SNX1: variants seen among roughly 807,000 people sequenced by gnomAD.
SNX1 encodes sorting nexin 1.
In SNX1, 36 loss-of-function variants were observed where a neutral mutation model predicts 71.8. The ratio of observed to expected loss-of-function variants is 0.50; its 90% confidence interval spans 0.38 to 0.66. The LOEUF is 0.66. Ranked by LOEUF, SNX1 falls within the 30% of genes least tolerant of loss-of-function variation. The pLI, the probability that SNX1 is intolerant of heterozygous loss-of-function variation, is 0.00. For missense variants in SNX1, 612 were observed against 646.7 expected (o/e 0.95, Z 0.58); for synonymous variants, 254 against 240.7 (o/e 1.06, Z -0.51).
chr15:64,140,236 A>G lies in SNX1; in HGVS notation c.*2618A>G, dbSNP rs1368890797. On this transcript the variant is annotated 3_prime_UTR_variant, in exon 15 of 15. Coordinates refer to ENST00000559844, the MANE Select transcript of SNX1 (RefSeq NM_003099.5). ...ATTTCCTAACTCCATAATGCCTTCTACATTTATTGGTTGACATTCTACATA... is the reference window on the plus strand; with the variant it reads ...ATTTCCTAACTCCATAATGCCTTCTGCATTTATTGGTTGACATTCTACATA... 5.3e-5 allele frequency: 8 copies of G among 152,254 alleles called. No homozygotes were observed. The highest frequency in any genetic ancestry group is 3.9e-4 in the East Asian group (2 of 5,182). The allele number at this position is 152,254 out of a possible 1,614,324, so 9.4% of individuals were successfully genotyped here.
intron 14 of SNX1, 152 bp from the exon 15 acceptor site, chr15:64,137,416 G>T: frequency 1.4e-6 from 1 of 710,822 alleles, no homozygotes. Flanking sequence ...AGGGAGGTGT[G>T]AAGGTCATGT....
At position 64,131,869 on chromosome 15, in the gene SNX1, A is replaced by G. The variant is rs1404648659; in HGVS notation, c.1198A>G (p.Ile400Val). Residue 400 changes from isoleucine to valine, a missense_variant, in exon 11 of 15, where the codon ATT becomes GTT. By Grantham distance (29) the Ile-to-Val change is conservative. Around this residue, in one of 2 missense-constraint regions of SNX1, gnomAD observed 296 missense variants for 361.9 expected, o/e 0.82. Coordinates refer to ENST00000559844, the MANE Select transcript of SNX1 (RefSeq NM_003099.5). ...FLLAELLSDY[I>V]RLLAIVRAAF... ...CCTTGCTGAGCTCCTGAGTGACTAC[A>G]TTCGCCTCCTGGCCATAGTCCGCGT... 3.1e-6 allele frequency: 5 copies of G among 1,614,014 alleles called. No individual in the cohort carries two copies. In the South Asian group the frequency reaches 3.3e-5, roughly 11 times the overall value.
In SNX1 at chr15:64,130,268, A is replaced by T; in HGVS notation, c.962A>T (p.Gln321Leu). 1 of 1,614,204 alleles carries T rather than the reference A, an allele frequency of 6.2e-7. No individual in the cohort carries two copies. The highest frequency in any genetic ancestry group is 8.5e-7 in the Non-Finnish European group (1 of 1,180,044). ...CTCCAGGAGGTAGAGTGTGAGGAGCAGCGCTTACGGAAACTGCATGCTGTT... is the reference window on the plus strand; with the variant it reads ...CTCCAGGAGGTAGAGTGTGAGGAGCTGCGCTTACGGAAACTGCATGCTGTT... ...EKLQEVECEE[Q>L]RLRKLHAVVE... is the part of the protein sequence containing the mutation. The change falls in exon 10 of 15, where the codon CAG (glutamine) becomes CTG (leucine). Residue 321 changes from glutamine to leucine, a missense_variant. This residue lies in a region of SNX1 where 296 missense variants were observed against 361.9 expected (regional missense o/e 0.82). Transcript: ENST00000559844.
chr15:64,111,027 C>T (rs1371566521), intron 1 of SNX1, among the ~76,000 whole-genome samples: 3 of 152,126 alleles, frequency 2.0e-5, no homozygotes, highest in African/African-American at 7.2e-5. Flanking sequence ...TACATGTATC[C>T]TTAATGTATA....
In SNX1 at chr15:64,137,747, G is replaced by A. The variant is rs145211367; in HGVS notation, c.*129G>A. ...TTAACCCCTTCCTCCCTGTCCCCACGACCAACTGTCCCCAGTTACTCTAAC... is the reference window on the plus strand; with the variant it reads ...TTAACCCCTTCCTCCCTGTCCCCACAACCAACTGTCCCCAGTTACTCTAAC... On this transcript the variant is annotated 3_prime_UTR_variant, in exon 15 of 15. Coordinates refer to ENST00000559844, the MANE Select transcript of SNX1 (RefSeq NM_003099.5). 7.8e-4 allele frequency: 1,177 copies of A among 1,509,258 alleles called. 7 individuals are homozygous for A. In the African/African-American group the frequency reaches 0.014, roughly 18 times the overall value. The allele number at this position is 1,509,258 out of a possible 1,614,324, so 93.5% of individuals were successfully genotyped here.
chr15:64,142,775 T>G lies in SNX1; in HGVS notation c.*5157T>G, dbSNP rs1351517358. On this transcript the variant is annotated 3_prime_UTR_variant, in exon 15 of 15. Transcript: ENST00000559844. ...GCTGGTGTGATCCCAGTATTCAGTG[T>G]CAGTACTCAGTGACAAAATAAATGA... 2.4e-6 allele frequency: 1 copy of G among 416,350 alleles called. No homozygotes were observed. The highest frequency in any genetic ancestry group is 2.1e-5 in the African/African-American group (1 of 48,248). 25.8% of individuals were successfully genotyped at this position (416,350 alleles called of 1,614,324 possible). A position where few individuals can be genotyped will look rare whatever the true frequency, so the allele number is the denominator to read the frequency against.
At chr15:64,108,107 G>A (rs956498737) in intron 1 of SNX1, among the ~76,000 whole-genome samples, 10 of 151,852 alleles carry the variant, frequency 6.6e-5, no homozygotes, top group Middle Eastern at 3.4e-3. Flanking sequence ...GCAGGAGAAC[G>A]GCATGAACCT....
chr15:64,135,049 C>G (rs1331886310), intron 12 of SNX1: 1 of 501,288 alleles, frequency 2.0e-6, no homozygotes. Flanking sequence ...CATGGTGGCT[C>G]GCGCCTGTAA....
At position 64,139,644 on chromosome 15, in the gene SNX1, GTAT is replaced by G. The variant is rs1332854240; in HGVS notation, c.*2033_*2035del. 4.2e-5 allele frequency: 6 copies of G among 142,626 alleles called. No homozygotes were observed. The highest frequency in any genetic ancestry group is 1.3e-4 in the African/African-American group (5 of 37,786). The allele number at this position is 142,626 out of a possible 1,614,324, so 8.8% of individuals were successfully genotyped here. A position where few individuals can be genotyped will look rare whatever the true frequency, so the allele number is the denominator to read the frequency against. On this transcript the variant is annotated 3_prime_UTR_variant, in exon 15 of 15. Coordinates refer to ENST00000559844, the MANE Select transcript of SNX1 (RefSeq NM_003099.5). Reference sequence around the variant, plus strand: ...TAAGCATTATTCAGTATTTTTTTAAGTATTATTATCAAAATCAGGAAGTTTAAC... The same window carrying G: ...TAAGCATTATTCAGTATTTTTTTAAGTATTATCAAAATCAGGAAGTTTAAC...
At chr15:64,109,705 A>G (rs924373202) in intron 1 of SNX1, among the ~76,000 whole-genome samples, 4 of 151,950 alleles carry the variant, frequency 2.6e-5, no homozygotes, top group African/African-American at 9.7e-5. Flanking sequence ...ACAGGGTTTC[A>G]CCATGTTGGC....
At chr15:64,128,722 C>T (rs1241504988) in intron 8 of SNX1, among the ~76,000 whole-genome samples, 1 of 152,172 alleles carries the variant, frequency 6.6e-6, no homozygotes, top group African/African-American at 2.4e-5. Context: ...TTCACCCTCT[C>T]GTCTTTACTC....
At chr15:64,125,689 A>G (rs1244675307) in intron 5 of SNX1, among the ~76,000 whole-genome samples, 2 of 152,180 alleles carry the variant, frequency 1.3e-5, no homozygotes, top group Non-Finnish European at 2.9e-5. Context: ...ACTGGTTACT[A>G]TAGAATTCTA....
At chr15:64,113,839 A>AAGAAAG (rs1555490865) in intron 2 of SNX1, among the ~76,000 whole-genome samples, 4 of 83,980 alleles carry the variant, frequency 4.8e-5, no homozygotes, top group African/African-American at 1.1e-4. Flanking sequence ...GAAAGAAAGA[A>AAGAAAG]AGAGAGAGAG....
intron 3 of SNX1, 93 bp from the exon 4 acceptor site, chr15:64,118,695 G>C: frequency 2.2e-6 from 2 of 909,826 alleles, no homozygotes; most frequent in Non-Finnish European, 3.5e-6. Context: ...GATACATCTT[G>C]ATTTTATTAG....
chr15:64,113,412 AGTGG>A (rs2081097382), intron 2 of SNX1, among the ~76,000 whole-genome samples: 1 of 152,122 alleles, frequency 6.6e-6, no homozygotes, highest in African/African-American at 2.4e-5. Context: ...ACTGTTATCT[AGTGG>A]GTAGAGGCCA....
chr15:64,136,816 G>A (rs1234834445), intron 13 of SNX1, 45 bp from the exon 14 acceptor site: 18 of 1,502,690 alleles, frequency 1.2e-5, no homozygotes, highest in Non-Finnish European at 1.7e-5. Context: ...CCCATCGAAA[G>A]GGAAAGCAAA....
At chr15:64,119,764 A>G (rs2081175659) in intron 4 of SNX1, among the ~76,000 whole-genome samples, 1 of 151,386 alleles carries the variant, frequency 6.6e-6, no homozygotes, top group Non-Finnish European at 1.5e-5. Context: ...AAAAAACATT[A>G]TCTTCTCCTT....
At chr15:64,103,806 A>T (rs1359862230) in intron 1 of SNX1, among the ~76,000 whole-genome samples, 1 of 152,238 alleles carries the variant, frequency 6.6e-6, no homozygotes, top group African/African-American at 2.4e-5. Flanking sequence ...GTTTCTTGAT[A>T]TTAGCCCTTC....
At chr15:64,136,185 C>A in intron 12 of SNX1, 145 bp from the exon 13 acceptor site, 2 of 658,724 alleles carry the variant, frequency 3.0e-6, no homozygotes, top group South Asian at 1.8e-5. Flanking sequence ...CGTGTGGAAT[C>A]CTCTGTGACA....
Sources: gnomAD v4.1 joint callset for allele counts (sites outside exome capture counted in the v4.1 genomes callset) on GRCh38, gnomAD v4.1.1 for gene constraint, gnomAD v4.1.1 regional missense constraint, MANE v1.5 for transcripts, NCBI Gene and HGNC (gene_info 2026-07-23, HGNC 2026-07-21) for gene names.